The following CDH23 variants were observed in gnomAD, a reference collection of about 807,000 sequenced individuals.
The protein encoded by CDH23 is cadherin-23.
CDH23 carries 189 observed loss-of-function variants against 317.1 expected under a neutral mutation model. The ratio of observed to expected loss-of-function variants is 0.60; its 90% CI spans 0.53 to 0.67. The LOEUF (loss-of-function observed/expected upper bound fraction) is 0.67. CDH23 is among the 30% of genes least tolerant of loss of function. CDH23 has a pLI of 0.00. For synonymous variants in CDH23, 1,839 were observed against 1,876.8 expected, an observed-to-expected ratio of 0.98 and a Z score of 0.52; for missense variants, 4,401 against 4,592.4, an observed-to-expected ratio of 0.96 and a Z score of 1.20.
intron 6 of CDH23, among the ~76,000 whole-genome samples, chr10:71,534,461 A>G (rs3861030): frequency 0.35 from 53,380 of 151,898 alleles, 10,267 homozygotes; most frequent in African/African-American, 0.5. Context: ...TACTCAAGTC[A>G]GTCTTTTGCT....
rs1433956202 is a variant in CDH23, at chr10:71,815,064, T to C, written c.9851T>C (p.Val3284Ala). 4 of 1,612,106 alleles carry C rather than the reference T, an allele frequency of 2.5e-6. No individual in the cohort carries two copies. The highest frequency in any genetic ancestry group is 3.4e-6 in the Non-Finnish European group (4 of 1,179,496). ...CTCAAGGGGCCCGATGGGATCCATG[T>C]GGTGCACGGCAGCACGGGCACGCTG... is the stretch of plus-strand genomic sequence containing the variant. The part of the protein sequence containing the change: ...VELKGPDGIH[V>A]VHGSTGTLLA... Residue 3284 changes from valine (V) to alanine (A), a missense_variant, in exon 70 of 70, where the codon GTG (valine) becomes GCG (alanine). By Grantham distance (64) the Val-to-Ala change is moderately conservative. Coordinates refer to ENST00000224721, the MANE Select transcript of CDH23 (RefSeq NM_022124.6).
intron 6 of CDH23, among the ~76,000 whole-genome samples, chr10:71,532,811 C>A (rs1168985805): frequency 6.7e-6 from 1 of 148,570 alleles, no homozygotes; most frequent in Non-Finnish European, 1.5e-5. Context: ...CTCACTGCAA[C>A]CTCTACCTCC....
At chr10:71,415,907 C>T (rs998237435) in intron 1 of CDH23, among the ~76,000 whole-genome samples, 2 of 152,090 alleles carry the variant, frequency 1.3e-5, no homozygotes, top group African/African-American at 2.4e-5. Context: ...ACTTTATGGC[C>T]CAGCATGGGG....
intron 28 of CDH23, chr10:71,713,597 C>A: frequency 2.6e-6 from 1 of 381,494 alleles, no homozygotes; most frequent in East Asian, 5.6e-5. Context: ...ACACAGAGAG[C>A]CCAGAAAGCC....
Position 71,687,739 on chromosome 10 carries a change from G to T in CDH23, c.2059+20G>T. ...TGGCAGGTACAGGCTCAGGTCGGGG[G>T]GTGGGGGGCACATGGAGGTAGGCAG... On this transcript the variant is annotated intron_variant, in intron 19 of 69. Coordinates refer to ENST00000224721, the MANE Select transcript of CDH23 (RefSeq NM_022124.6). The T allele has an allele frequency of 6.2e-7, 1 of 1,611,672 alleles. No individual in the cohort carries two copies. The highest frequency in any genetic ancestry group is 8.5e-7 in the Non-Finnish European group (1 of 1,178,568).
At chr10:71,770,235 G>C (rs545530705) in intron 38 of CDH23, among the ~76,000 whole-genome samples, 75 of 152,376 alleles carry the variant, frequency 4.9e-4, no homozygotes, top group Non-Finnish European at 8.5e-4. Context: ...GAGGAGCCGG[G>C]TGCTGTGTTA....
At chr10:71,776,434 T>C (rs77051753) in intron 38 of CDH23, among the ~76,000 whole-genome samples, 1 of 152,368 alleles carries the variant, frequency 6.6e-6, no homozygotes, top group Non-Finnish European at 1.5e-5. Context: ...CTAGTCACGT[T>C]CTCTCTACCC....
rs11813741 is a variant in CDH23 at position 71,657,383 on chromosome 10, G to A, written c.1449+10766G>A. ...TGCCTACAGCAAGTGCTCCAAAAGCGTACCAATGCCTGCTGTGTCAGACCT... is the reference window on the plus strand; with the variant it reads ...TGCCTACAGCAAGTGCTCCAAAAGCATACCAATGCCTGCTGTGTCAGACCT... On this transcript the variant is annotated intron_variant, in intron 14 of 69. Coordinates refer to ENST00000224721, the MANE Select transcript of CDH23 (RefSeq NM_022124.6). 4.3e-3 allele frequency among the ~76,000 whole-genome samples: 657 copies of A among 152,332 alleles called. 5 individuals are homozygous for A. The highest frequency in any genetic ancestry group is 0.014 in the African/African-American group (597 of 41,584).
intron 28 of CDH23, among the ~76,000 whole-genome samples, chr10:71,719,465 G>T: frequency 6.6e-6 from 1 of 152,248 alleles, no homozygotes; most frequent in Admixed American, 6.5e-5. Flanking sequence ...GTGTGGCCTC[G>T]GGCTAGTCCC....
chr10:71,729,423 C>G (rs1014342131), intron 30 of CDH23, among the ~76,000 whole-genome samples: 3 of 152,210 alleles, frequency 2.0e-5, no homozygotes, highest in African/African-American at 4.8e-5. Flanking sequence ...CCAGGGAGCC[C>G]TAAAGCGTCC....
intron 3 of CDH23, among the ~76,000 whole-genome samples, chr10:71,485,023 C>CTTTTTTT (rs56153129): frequency 1.5e-3 from 170 of 110,060 alleles, no homozygotes; most frequent in Middle Eastern, 4.4e-3. Context: ...TTTCTTTTTT[C>CTTTTTTT]TTTTTTTTTT....
intron 38 of CDH23, among the ~76,000 whole-genome samples, chr10:71,770,713 G>C (rs1564785644): frequency 6.6e-6 from 1 of 152,202 alleles, no homozygotes; most frequent in Non-Finnish European, 1.5e-5. Context: ...TGTGCGGATA[G>C]GGAGGTGACC....
At position 71,813,163 on chromosome 10, in the gene CDH23, CCT is replaced by C. The variant is rs1357286909; in HGVS notation, c.9634-80_9634-79del. ...CACCAGGATCAGATGTCCGTGTACC[CCT>C]TACTCCCAGAGGGAGTGGGCGAGGG... is the stretch of plus-strand genomic sequence containing the variant. On this transcript the variant is annotated intron_variant, in intron 68 of 69. Transcript: ENST00000224721. 6.1e-6 allele frequency: 8 copies of C among 1,321,404 alleles called. No homozygotes were observed. The East Asian group carries it at 2.0e-4, about 33-fold the overall frequency. 81.9% of individuals were successfully genotyped at this position (1,321,404 alleles called of 1,614,324 possible). A position where few individuals can be genotyped will look rare whatever the true frequency, so the allele number is the denominator to read the frequency against.
chr10:71,443,432 T>C (rs76611110), intron 2 of CDH23, among the ~76,000 whole-genome samples: 3,621 of 152,356 alleles, frequency 0.024, 73 homozygotes, highest in Non-Finnish European at 0.036. Flanking sequence ...TGGGAAATGC[T>C]TGTCATTCAG....
chr10:71,489,595 GT>G (rs1253610402), intron 3 of CDH23, among the ~76,000 whole-genome samples: 17 of 8,250 alleles, frequency 2.1e-3, no homozygotes, highest in East Asian at 3.4e-3. Flanking sequence ...GTGCCTCGGG[GT>G]GTGTGTGTGT....
chr10:71,522,957 G>T (rs562956393), intron 6 of CDH23, among the ~76,000 whole-genome samples: 5 of 152,288 alleles, frequency 3.3e-5, no homozygotes, highest in African/African-American at 1.2e-4. Flanking sequence ...TCAGTGACTT[G>T]TCCAAGGTCA....
chr10:71,620,261 C>T (rs1039445323), intron 11 of CDH23, among the ~76,000 whole-genome samples: 5 of 152,086 alleles, frequency 3.3e-5, no homozygotes, highest in Non-Finnish European at 7.4e-5. Context: ...GGCCAGGAAG[C>T]GTGGGGAAGG....
At chr10:71,713,039 C>T (rs1376302500) in intron 28 of CDH23, 1 of 734,166 alleles carries the variant, frequency 1.4e-6, no homozygotes. Flanking sequence ...CTCTGGCTCC[C>T]CACAAACAGG....
intron 45 of CDH23, among the ~76,000 whole-genome samples, chr10:71,789,459 G>C (rs1415605234): frequency 6.6e-6 from 1 of 152,072 alleles, no homozygotes; most frequent in Non-Finnish European, 1.5e-5. Context: ...AGGGGGTCCT[G>C]GGTAGGCCAG....
Sources: gnomAD v4.1 joint callset for allele counts (sites outside exome capture counted in the v4.1 genomes callset) on GRCh38, gnomAD v4.1.1 for gene constraint, MANE v1.5 for transcripts, NCBI Gene and HGNC (gene_info 2026-07-23, HGNC 2026-07-21) for gene names.